Variants in XPO5 observed in about 807,000 individuals in gnomAD.
XPO5 encodes exportin 5, also known as exportin-5.
A neutral mutation model predicts 160.6 loss-of-function variants in XPO5; 46 were observed. The observed-to-expected ratio is 0.29, with a 90% CI of 0.23 to 0.37. XPO5 has a LOEUF of 0.37. Ranked by LOEUF, XPO5 falls within the 10% of genes least tolerant of loss-of-function variation. The pLI is 1.00. For missense variants in XPO5, 1,090 were observed against 1,463.9 expected (o/e 0.74, Z 4.17); for synonymous variants, 537 against 519.3 (o/e 1.03, Z -0.46).
chr6:43,544,654 G>A (rs1263077706), intron 20 of XPO5, among the ~76,000 whole-genome samples: 1 of 152,100 alleles, frequency 6.6e-6, no homozygotes, highest in Admixed American at 6.6e-5. Context: ...GGCTGGGTGT[G>A]GTGGTTCACA....
chr6:43,529,058 G>GA (rs1390049192), intron 23 of XPO5, 133 bp from the exon 24 acceptor site: 2 of 1,115,854 alleles, frequency 1.8e-6, no homozygotes, highest in Non-Finnish European at 2.6e-6. Flanking sequence ...TGTTAACAGT[G>GA]AAAAAATCTT....
chr6:43,530,519 A>G lies in XPO5; in HGVS notation c.2677+169T>C, dbSNP rs112381362. 3.5e-3 allele frequency among the ~76,000 whole-genome samples: 537 copies of G among 152,278 alleles called. 7 individuals carry two copies. Among genetic ancestry groups the G allele is most frequent in the African/African-American group, 0.012 (498 of 41,556 alleles). ...GTTTATGGCCATCTGGACTGCCTTCATGTTTTCCCTGCAATCTGCCAGTGT... is the reference window on the plus strand; with the variant it reads ...GTTTATGGCCATCTGGACTGCCTTCGTGTTTTCCCTGCAATCTGCCAGTGT... On this transcript the variant is annotated intron_variant, in intron 23 of 31. Transcript: ENST00000265351.
chr6:43,560,164 T>C lies in XPO5; in HGVS notation c.1221+14A>G. On this transcript the variant is annotated intron_variant, in intron 11 of 31. Transcript: ENST00000265351. ...TTCACCTACATTCCACATGTTTAGA[T>C]TCCCATTATATACCTTGACCAAGTT... 1 of 1,611,184 alleles carries C rather than the reference T, an allele frequency of 6.2e-7. No individual in the cohort carries two copies. Among genetic ancestry groups the C allele is most frequent in the Non-Finnish European group, 8.5e-7 (1 of 1,178,340 alleles).
At chr6:43,529,047 G>T in intron 23 of XPO5, 122 bp from the exon 24 acceptor site, 2 of 1,114,486 alleles carry the variant, frequency 1.8e-6, no homozygotes, top group Non-Finnish European at 2.6e-6. Flanking sequence ...AAAATATCCT[G>T]TGTTAACAGT....
At chr6:43,556,971 T>TGC (rs1762123744) in intron 12 of XPO5, among the ~76,000 whole-genome samples, 1 of 151,416 alleles carries the variant, frequency 6.6e-6, no homozygotes, top group African/African-American at 2.4e-5. Context: ...CTACTAAAAA[T>TGC]AAAACAATTA....
chr6:43,529,072 G>C, intron 23 of XPO5, 147 bp from the exon 24 acceptor site: 5 of 1,106,638 alleles, frequency 4.5e-6, no homozygotes, highest in Non-Finnish European at 6.5e-6. Context: ...AAATCTTAAA[G>C]TTCTTTTCCT....
At chr6:43,556,093 G>T in intron 12 of XPO5, 129 bp from the exon 13 acceptor site, 1 of 1,242,176 alleles carries the variant, frequency 8.1e-7, no homozygotes, top group Non-Finnish European at 1.1e-6. Flanking sequence ...CTTGTGCTTT[G>T]CATGTAATAA....
chr6:43,553,093 C>T (rs1037783165), intron 14 of XPO5, among the ~76,000 whole-genome samples: 4 of 152,030 alleles, frequency 2.6e-5, no homozygotes, highest in African/African-American at 7.2e-5. Flanking sequence ...GCAGGAGGGT[C>T]GCTTGAGGCC....
chr6:43,526,920 G>GCGGT lies in XPO5; in HGVS notation c.2921-174_2921-173insACCG, dbSNP rs1173378261. 4.7e-6 allele frequency: 3 copies of GCGGT among 641,600 alleles called. No individual in the cohort carries two copies. In the African/African-American group the frequency reaches 5.4e-5, roughly 12 times the overall value. The allele number at this position is 641,600 out of a possible 1,614,324, so 39.7% of individuals were successfully genotyped here. ...CCAATAGAAATAGAGGCATTCTGATGACCGAACTGTTTTGGTCCTTCAAGT... is the reference window on the plus strand; with the variant it reads ...CCAATAGAAATAGAGGCATTCTGATGCGGTACCGAACTGTTTTGGTCCTTCAAGT... On this transcript the variant is annotated intron_variant, in intron 26 of 31. Coordinates refer to ENST00000265351, the MANE Select transcript of XPO5 (RefSeq NM_020750.3).
rs1762978650 is a variant in XPO5 at position 43,570,937 on chromosome 6, C to T, written c.358G>A (p.Val120Ile). 3 of 1,613,740 alleles carry T rather than the reference C, an allele frequency of 1.9e-6. No individual in the cohort carries two copies. The highest frequency in any genetic ancestry group is 1.3e-5 in the African/African-American group (1 of 74,920). ...NHIKDALSRI[V>I]VEMIKREWPQ... The stretch of plus-strand genomic sequence containing the variant: ...CACTCTCGCTTGATCATTTCCACTA[C>T]AATTCGAGACAGAGCATCTTTAATA... Residue 120 changes from valine (V) to isoleucine (I), a missense_variant, in exon 4 of 32, where the codon GTA becomes ATA. By Grantham distance (29) the Val-to-Ile change is conservative. Around this residue, in one of 3 missense-constraint regions of XPO5, gnomAD observed 170 missense variants for 227.0 expected, o/e 0.75. Coordinates refer to ENST00000265351, the MANE Select transcript of XPO5 (RefSeq NM_020750.3).
intron 1 of XPO5, among the ~76,000 whole-genome samples, chr6:43,575,511 G>A (rs949007431): frequency 5.9e-5 from 9 of 152,236 alleles, no homozygotes; most frequent in African/African-American, 2.2e-4. Context: ...GAGGGCTGTG[G>A]GAAGCTGCGG....
chr6:43,567,150 G>C lies in XPO5; in HGVS notation c.834+19C>G. The C allele has an allele frequency of 6.2e-7, 1 of 1,602,868 alleles. No individual in the cohort carries two copies. On this transcript the variant is annotated intron_variant, in intron 7 of 31. Coordinates refer to ENST00000265351, the MANE Select transcript of XPO5 (RefSeq NM_020750.3). ...TACTTCAGAGACTGAGGATAAGTCA[G>C]TTTGAAGTGGTAACTTACTTTTCTG... is the stretch of plus-strand genomic sequence containing the variant.
chr6:43,536,758 T>TAA (rs1156884252), intron 20 of XPO5, among the ~76,000 whole-genome samples: 424 of 19,096 alleles, frequency 0.022, 44 homozygotes, highest in Middle Eastern at 0.038. Flanking sequence ...AGACTCTATC[T>TAA]AAAAAAAAAA....
At chr6:43,573,390 C>T in intron 2 of XPO5, 90 bp downstream of exon 2, 1 of 1,523,472 alleles carries the variant, frequency 6.6e-7, no homozygotes, top group Admixed American at 1.9e-5. Flanking sequence ...TTGCTCTTCT[C>T]TACTCACCTA....
Position 43,523,782 on chromosome 6 carries a change from GC to G in XPO5, c.*85del. On this transcript the variant is annotated 3_prime_UTR_variant, in exon 32 of 32. Transcript: ENST00000265351. ...GCTGACAGTGGTGGAAAGTGAGGTGGCAGTGCAAGAAGGGCCTAGAGATCGG... is the reference window on the plus strand; with the variant it reads ...GCTGACAGTGGTGGAAAGTGAGGTGGAGTGCAAGAAGGGCCTAGAGATCGG... 1 of 1,601,464 alleles carries G rather than the reference GC, an allele frequency of 6.2e-7. No homozygotes were observed. The highest frequency in any genetic ancestry group is 8.6e-7 in the Non-Finnish European group (1 of 1,169,068).
chr6:43,566,555 T>A (rs1053921560), intron 7 of XPO5: 1 of 318,946 alleles, frequency 3.1e-6, no homozygotes, highest in African/African-American at 2.1e-5. Context: ...ACGCCTGTAA[T>A]CCCAGCACTT....
At chr6:43,538,804 T>A in intron 20 of XPO5, 1 of 907,718 alleles carries the variant, frequency 1.1e-6, no homozygotes, top group East Asian at 2.6e-5. Context: ...TTCACTTTAT[T>A]TTTCTTGTAT....
chr6:43,568,506 T>G (rs2127753376), intron 6 of XPO5, among the ~76,000 whole-genome samples: 1 of 151,804 alleles, frequency 6.6e-6, no homozygotes, highest in East Asian at 1.9e-4. Context: ...CTCATGAAGT[T>G]GAGGTGAGAG....
Position 43,558,292 on chromosome 6 carries a change from G to A in XPO5, c.1312+209C>T, listed in dbSNP as rs76449370. Among the ~76,000 whole-genome samples, 2,670 of 152,238 alleles carry A rather than the reference G, an allele frequency of 0.018. 94 individuals carry two copies. Among genetic ancestry groups the A allele is most frequent in the African/African-American group, 0.06 (2,493 of 41,528 alleles). On this transcript the variant is annotated intron_variant, in intron 12 of 31. Transcript: ENST00000265351. ...CATCCCTAAACATCAATGTCTAAGTGCTGTGGGGGTTTGTGGTGTAAAACA... is the reference window on the plus strand; with the variant it reads ...CATCCCTAAACATCAATGTCTAAGTACTGTGGGGGTTTGTGGTGTAAAACA...
Sources: gnomAD v4.1 joint callset for allele counts (sites outside exome capture counted in the v4.1 genomes callset) on GRCh38, gnomAD v4.1.1 for gene constraint, gnomAD v4.1.1 regional missense constraint, MANE v1.5 for transcripts, NCBI Gene and HGNC (gene_info 2026-07-23, HGNC 2026-07-21) for gene names.